METTL22: variants seen among roughly 807,000 people sequenced by gnomAD.
The protein encoded by METTL22 is methyltransferase-like protein 22.
METTL22 carries 51 observed loss-of-function variants against 48.4 expected under a neutral mutation model. The ratio of observed to expected loss-of-function variants is 1.05; its 90% CI spans 0.84 to 1.33. METTL22 has a LOEUF of 1.33. METTL22 is among the 40% of genes most tolerant of loss of function. The probability of loss-of-function intolerance (pLI) is 0.00; values close to 1 mark genes in which losing one functional copy is unlikely to be tolerated. For synonymous variants in METTL22, 255 were observed against 214.1 expected (o/e 1.19, Z -1.67); for missense variants, 678 against 526.9 (o/e 1.29, Z -2.81).
intron 5 of METTL22, among the ~76,000 whole-genome samples, chr16:8,635,672 C>G (rs1302967557): frequency 2.0e-5 from 3 of 152,142 alleles, no homozygotes; most frequent in Non-Finnish European, 4.4e-5. Context: ...TATTTTTTTC[C>G]TGGGTATAGA....
chr16:8,644,525 G>T (rs751758920), intron 9 of METTL22, 32 bp from the exon 10 acceptor site: 3 of 1,518,672 alleles, frequency 2.0e-6, no homozygotes, highest in Non-Finnish European at 2.7e-6. Flanking sequence ...ATTGATGATG[G>T]CAGTTTGTGC....
At chr16:8,639,507 C>CGCTT (rs2056526852) in intron 6 of METTL22, 1 of 327,054 alleles carries the variant, frequency 3.1e-6, no homozygotes, top group African/African-American at 2.1e-5. Context: ...CAAGCCAGTC[C>CGCTT]ACTTCACTTG....
the METTL22 span, among the ~76,000 whole-genome samples, chr16:8,665,859 G>A: frequency 1.3e-5 from 2 of 152,230 alleles, no homozygotes; most frequent in Non-Finnish European, 2.9e-5. Flanking sequence ...AAGTGTGGAA[G>A]TATAAGTGAG....
the METTL22 span, among the ~76,000 whole-genome samples, chr16:8,655,362 C>G: frequency 6.6e-6 from 1 of 152,182 alleles, no homozygotes; most frequent in East Asian, 1.9e-4. Context: ...GCCTCAGTTC[C>G]TCACTGGCTG....
rs2141702317 is a variant in METTL22 at position 8,628,728 on chromosome 16, A to G, written c.134-2A>G. On this transcript the variant is annotated splice_acceptor_variant, in intron 2 of 10. Transcript: ENST00000381920. LOFTEE classifies it high-confidence loss of function. ...CATTTTGCGTTCTGTCTTGCCTTTC[A>G]GTTTTCCTGTCCCAATTCAAGCTTC... 6.3e-7 allele frequency: 1 copy of G among 1,597,606 alleles called. No individual in the cohort carries two copies. Among genetic ancestry groups the G allele is most frequent in the East Asian group, 2.2e-5 (1 of 44,588 alleles).
intron 3 of METTL22, among the ~76,000 whole-genome samples, chr16:8,630,820 C>T (rs1454755324): frequency 7.9e-5 from 12 of 152,136 alleles, no homozygotes; most frequent in Non-Finnish European, 1.3e-4. Context: ...CCTGCCCTGA[C>T]GGAGGAGAGT....
chr16:8,662,181 A>G, the METTL22 span, among the ~76,000 whole-genome samples: 2 of 145,394 alleles, frequency 1.4e-5, 1 homozygote, highest in African/African-American at 5.2e-5. Flanking sequence ...GTTTGAGGTT[A>G]CAGTGAACTG....
intron 3 of METTL22, among the ~76,000 whole-genome samples, chr16:8,630,462 G>A (rs113511793): frequency 0.026 from 3,979 of 152,130 alleles, 112 homozygotes; most frequent in Admixed American, 0.074. Context: ...TCTGTCTGAC[G>A]CCACAGCCTG....
chr16:8,663,957 G>T, the METTL22 span, among the ~76,000 whole-genome samples: 15 of 152,052 alleles, frequency 9.9e-5, no homozygotes, highest in African/African-American at 3.6e-4. Context: ...GCACCTCCCT[G>T]TCTCCCACCC....
At chr16:8,640,064 C>T (rs1002190714) in intron 6 of METTL22, among the ~76,000 whole-genome samples, 2 of 152,186 alleles carry the variant, frequency 1.3e-5, no homozygotes, top group African/African-American at 4.8e-5. Flanking sequence ...TCCAGGCACA[C>T]GTTGCATGAT....
chr16:8,638,983 C>G (rs1398114800), intron 5 of METTL22, 108 bp from the exon 6 acceptor site: 1 of 1,100,372 alleles, frequency 9.1e-7, no homozygotes, highest in Non-Finnish European at 1.4e-6. Context: ...AAACGTTTCT[C>G]TAATTTCTGC....
At chr16:8,652,140 G>A (rs1359079387), downstream of METTL22, among the ~76,000 whole-genome samples, 1 of 152,130 alleles carries the variant, frequency 6.6e-6, no homozygotes, top group Non-Finnish European at 1.5e-5. Flanking sequence ...CAGAGTTCAT[G>A]CTCTTCAGTA....
At chr16:8,627,218 C>A (rs1410796365) in intron 2 of METTL22, among the ~76,000 whole-genome samples, 1 of 152,144 alleles carries the variant, frequency 6.6e-6, no homozygotes, top group African/African-American at 2.4e-5. Context: ...CCTCCAGTGG[C>A]TTTCCGTTGC....
At chr16:8,627,900 C>T (rs973567573) in intron 2 of METTL22, among the ~76,000 whole-genome samples, 1 of 152,166 alleles carries the variant, frequency 6.6e-6, no homozygotes, top group Non-Finnish European at 1.5e-5. Flanking sequence ...GCACATGCCA[C>T]CATACCTGGA....
In METTL22 at chr16:8,629,076, A is replaced by G; in HGVS notation, c.480A>G (p.Glu160=). 6.2e-7 allele frequency: 1 copy of G among 1,613,692 alleles called. No individual in the cohort carries two copies. Among genetic ancestry groups the G allele is most frequent in the Non-Finnish European group, 8.5e-7 (1 of 1,179,996 alleles). Residue 160 remains glutamate (E), a synonymous_variant, in exon 3 of 11, where the codon GAA becomes GAG. Coordinates refer to ENST00000381920, the MANE Select transcript of METTL22 (RefSeq NM_024109.4). ...AAGAAGACGACGTCCTGGGAGAGGA[A>G]GCACAAGGCAGCCCGCACGATATCA... ...AQEEDDVLGE[E]AQGSPHDIIR... is the part of the protein sequence containing the mutation.
chr16:8,660,268 C>G, the METTL22 span, among the ~76,000 whole-genome samples: 4 of 152,134 alleles, frequency 2.6e-5, no homozygotes, highest in African/African-American at 7.2e-5. Context: ...CCTCCGCCCT[C>G]TGGATTCAAG....
intron 8 of METTL22, 55 bp from the exon 9 acceptor site, chr16:8,642,408 A>G: frequency 6.4e-7 from 1 of 1,554,754 alleles, no homozygotes; most frequent in Non-Finnish European, 8.9e-7. Context: ...TGAAAAGTCG[A>G]TTTCTGTAAT....
At chr16:8,659,387 G>C in the METTL22 span, among the ~76,000 whole-genome samples, 1 of 151,458 alleles carries the variant, frequency 6.6e-6, no homozygotes, top group Admixed American at 6.6e-5. Flanking sequence ...CAGATCATGA[G>C]TCCTGGAATG....
rs1347459962 is a variant in METTL22, at chr16:8,646,094, T to C, written c.1180-14T>C. On this transcript the variant is annotated splice_polypyrimidine_tract_variant and intron_variant, in intron 10 of 10. Transcript: ENST00000381920. ...TGCACTTCAGAAACCTGTTCTTTTC[T>C]CTGTTTGCTGCAGGAGCTCTGGAAG... The C allele has an allele frequency of 1.4e-6, 2 of 1,471,306 alleles. No homozygotes were observed. Among genetic ancestry groups the C allele is most frequent in the Admixed American group, 2.2e-5 (1 of 45,862 alleles). The allele number at this position is 1,471,306 out of a possible 1,614,324, so 91.1% of individuals were successfully genotyped here.
Sources: allele counts gnomAD v4.1 joint callset (sites outside exome capture counted in the v4.1 genomes callset), GRCh38; gene constraint gnomAD v4.1.1; transcripts MANE v1.5; gene names NCBI Gene and HGNC (gene_info 2026-07-23, HGNC 2026-07-21).